Variants in GALNS observed in about 807,000 individuals in gnomAD.
The protein encoded by GALNS is N-acetylgalactosamine-6-sulfatase.
Under a neutral mutation model 65.9 loss-of-function variants are expected in GALNS, and 65 were observed. The observed-to-expected ratio is 0.99, with a 90% CI of 0.81 to 1.21. The LOEUF is 1.21. Ranked by LOEUF, GALNS falls within the 50% of genes most tolerant of loss-of-function variation. The probability of loss-of-function intolerance (pLI) is 0.00; values close to 1 mark genes in which losing one functional copy is unlikely to be tolerated. For missense variants in GALNS, 776 were observed against 700.7 expected (o/e 1.11, Z -1.21); for synonymous variants, 346 against 288.9 (o/e 1.20, Z -2.00).
At chr16:88,846,212 A>G (rs745900310) in intron 1 of GALNS, among the ~76,000 whole-genome samples, 8 of 152,228 alleles carry the variant, frequency 5.3e-5, no homozygotes, top group Non-Finnish European at 1.0e-4. Context: ...GTAGCTCAGC[A>G]TGTGACCTTA....
At chr16:88,841,182 A>C in intron 3 of GALNS, 88 bp from the exon 4 acceptor site, 1 of 973,110 alleles carries the variant, frequency 1.0e-6, no homozygotes. Context: ...GGCTGCGTCC[A>C]CACATCCTAA....
At chr16:88,829,858 C>T (rs1002672097) in intron 9 of GALNS, among the ~76,000 whole-genome samples, 3 of 152,172 alleles carry the variant, frequency 2.0e-5, no homozygotes, top group Admixed American at 6.5e-5. Context: ...CAACGCAGGC[C>T]GCTCATCAGC....
At chr16:88,842,870 G>A (rs775554955) in intron 1 of GALNS, 41 bp from the exon 2 acceptor site, 2 of 1,608,602 alleles carry the variant, frequency 1.2e-6, no homozygotes, top group Non-Finnish European at 8.5e-7. Flanking sequence ...AGCGCCTTCT[G>A]CAGGTGCTTC....
At chr16:88,816,323 T>C (rs1909619625) in intron 13 of GALNS, 1 of 985,122 alleles carries the variant, frequency 1.0e-6, no homozygotes, top group Non-Finnish European at 1.2e-6. Flanking sequence ...CGGAGTGGGA[T>C]TGGGTGTGGA....
At chr16:88,827,434 T>A (rs1272425874) in intron 9 of GALNS, among the ~76,000 whole-genome samples, 1 of 152,172 alleles carries the variant, frequency 6.6e-6, no homozygotes, top group Non-Finnish European at 1.5e-5. Context: ...AGTGGCCCTG[T>A]CTGCTTCTTG....
chr16:88,832,496 C>G (rs1911613974), intron 8 of GALNS, among the ~76,000 whole-genome samples: 1 of 152,164 alleles, frequency 6.6e-6, no homozygotes, highest in Non-Finnish European at 1.5e-5. Context: ...TCTGGCCTCC[C>G]CATGGTTCTG....
Position 88,856,816 on chromosome 16 carries a change from C to A in GALNS, c.62G>T (p.Gly21Val). The A allele has an allele frequency of 3.3e-6, 5 of 1,534,840 alleles. No individual in the cohort carries two copies. The highest frequency in any genetic ancestry group is 3.5e-6 in the Non-Finnish European group (4 of 1,151,034). The change falls in exon 1 of 14, where the codon GGG (glycine) becomes GTG (valine). Residue 21 changes from glycine to valine, a missense_variant. Transcript: ENST00000268695. ...CTGCGGGGCGCCCGAGGCCCCCATCCCCGCGGCGCTGAGCACCAGCAACAG... is the reference window on the plus strand; with the variant it reads ...CTGCGGGGCGCCCGAGGCCCCCATCACCGCGGCGCTGAGCACCAGCAACAG... ...WQLLLVLSAA[G>V]MGASGAPQPP...
In GALNS at chr16:88,849,682, C is replaced by T. The variant is rs139126983; in HGVS notation, c.121-6853G>A. On this transcript the variant is annotated intron_variant, in intron 1 of 13. Coordinates refer to ENST00000268695, the MANE Select transcript of GALNS (RefSeq NM_000512.5). ...CAAGCAGTCCACCCGCCTCCACCTC[C>T]CAAAGTGCTGAGATCCCAGGTGTGA... Among the ~76,000 whole-genome samples the T allele has an allele frequency of 4.5e-3, 684 of 152,282 alleles. 4 individuals are homozygous for T. Among genetic ancestry groups the T allele is most frequent in the Middle Eastern group, 0.02 (6 of 294 alleles).
intron 13 of GALNS, chr16:88,816,910 C>T (rs1029354673): frequency 1.7e-5 from 17 of 985,336 alleles, no homozygotes; most frequent in Non-Finnish European, 2.0e-5. Flanking sequence ...ACGCCCAGCC[C>T]GTGTAAACAG....
At chr16:88,828,777 A>C (rs761154717) in intron 9 of GALNS, among the ~76,000 whole-genome samples, 2 of 152,200 alleles carry the variant, frequency 1.3e-5, no homozygotes, top group African/African-American at 4.8e-5. Context: ...CCCTGAACCC[A>C]CTACGCATGG....
rs137927658 is a variant in GALNS, at chr16:88,835,254, G to A, written c.857C>T (p.Thr286Met). The change falls in exon 8 of 14, where the codon ACG becomes ATG. Residue 286 changes from threonine to methionine, a missense_variant. By Grantham distance (81) the Thr-to-Met change is moderately conservative. Coordinates refer to ENST00000268695, the MANE Select transcript of GALNS (RefSeq NM_000512.5). ...HVADNTFVFF[T>M]SDNGAALISA... is the part of the protein sequence containing the mutation. ...AATGAGGGCAGCGCCGTTGTCCGAC[G>A]TGAAGAAGACGAAGGTGTTGTCCGC... The A allele has an allele frequency of 7.2e-5, 115 of 1,608,072 alleles. No individual in the cohort carries two copies. The East Asian group carries it at 1.5e-3, about 22-fold the overall frequency.
intron 12 of GALNS, 115 bp from the exon 13 acceptor site, chr16:88,818,239 A>G: frequency 1.2e-6 from 1 of 840,410 alleles, no homozygotes; most frequent in South Asian, 1.4e-5. Context: ...CACAGTGAGC[A>G]GTCACTGGGA....
chr16:88,842,539 C>T (rs1056814696), intron 2 of GALNS, 167 bp downstream of exon 2: 104 of 820,998 alleles, frequency 1.3e-4, no homozygotes, highest in Middle Eastern at 3.6e-4. Context: ...GGCACGGAGC[C>T]GGGCTGGGAT....
intron 12 of GALNS, among the ~76,000 whole-genome samples, chr16:88,821,279 C>A (rs909400311): frequency 1.3e-5 from 2 of 152,154 alleles, no homozygotes; most frequent in Non-Finnish European, 2.9e-5. Flanking sequence ...TGAGCCGAGG[C>A]TGGTGGCGCT....
intron 10 of GALNS, among the ~76,000 whole-genome samples, chr16:88,825,418 GGGGTGCCTGGGTGTCTA>G (rs1910766726): frequency 7.1e-6 from 1 of 141,450 alleles, no homozygotes; most frequent in Non-Finnish European, 1.5e-5. Context: ...CTGGGTGTCT[GGGGTGCCTGGGTGTCTA>G]GGGCTGGAGT....
chr16:88,850,858 G>T (rs879457117), intron 1 of GALNS, among the ~76,000 whole-genome samples: 2 of 152,240 alleles, frequency 1.3e-5, no homozygotes, highest in African/African-American at 2.4e-5. Context: ...CCCAGAAGGA[G>T]GATGCTGGGC....
At position 88,814,925 on chromosome 16, in the gene GALNS, G is replaced by C. The variant is rs141017986; in HGVS notation, c.1483-400C>G. ...TTTTTGTATTTTTGGTAGAGACAAG[G>C]GTTCCCCAAGTTGGCCAGGCTGGTC... On this transcript the variant is annotated intron_variant, in intron 13 of 13. Coordinates refer to ENST00000268695, the MANE Select transcript of GALNS (RefSeq NM_000512.5). The C allele has an allele frequency of 5.0e-3, 2,822 of 561,492 alleles. 13 individuals are homozygous for C. Among genetic ancestry groups the C allele is most frequent in the Admixed American group, 8.2e-3 (129 of 15,750 alleles). 34.8% of individuals were successfully genotyped at this position (561,492 alleles called of 1,614,324 possible).
chr16:88,844,989 ACT>A (rs1366587939), intron 1 of GALNS: 14 of 152,252 alleles, frequency 9.2e-5, no homozygotes, highest in African/African-American at 3.4e-4. Context: ...ACAAAATATT[ACT>A]CTTTTGGTTT....
intron 1 of GALNS, chr16:88,855,411 G>A (rs1387634835): frequency 7.1e-6 from 5 of 702,678 alleles, no homozygotes; most frequent in Non-Finnish European, 1.3e-5. Flanking sequence ...ATGAAATTCT[G>A]AAGCAAAGTA....
Sources: allele counts gnomAD v4.1 joint callset (sites outside exome capture counted in the v4.1 genomes callset), GRCh38; gene constraint gnomAD v4.1.1; transcripts MANE v1.5; gene names NCBI Gene and HGNC (gene_info 2026-07-23, HGNC 2026-07-21).